Variants in ADAMTSL3 observed in about 807,000 individuals in gnomAD.
ADAMTSL3 encodes the protein ADAMTS-like protein 3.
ADAMTSL3 carries 128 observed loss-of-function variants against 201.7 expected under a neutral mutation model. The observed-to-expected ratio is 0.63, with a 90% CI of 0.55 to 0.73. The LOEUF is 0.73. ADAMTSL3 is among the 30% of genes least tolerant of loss of function. ADAMTSL3 has a pLI of 0.00. For synonymous variants in ADAMTSL3, 738 were observed against 748.4 expected (o/e 0.99, Z 0.23); for missense variants, 1,990 against 2,119.6 (o/e 0.94, Z 1.20).
At chr15:83,660,180 T>A (rs2061143415) in intron 2 of ADAMTSL3, among the ~76,000 whole-genome samples, 1 of 152,126 alleles carries the variant, frequency 6.6e-6, no homozygotes, top group Non-Finnish European at 1.5e-5. Context: ...AGTCACATAA[T>A]TGACATGAGG....
intron 2 of ADAMTSL3, among the ~76,000 whole-genome samples, chr15:83,699,246 G>A (rs2061732576): frequency 6.6e-6 from 1 of 151,984 alleles, no homozygotes; most frequent in African/African-American, 2.4e-5. Flanking sequence ...GATGTTTTAT[G>A]GACACCTCCA....
At position 83,985,304 on chromosome 15, in the gene ADAMTSL3, A is replaced by G. The variant is rs182523784; in HGVS notation, c.3716+1960A>G. 4.6e-5 allele frequency among the ~76,000 whole-genome samples: 7 copies of G among 152,272 alleles called. No homozygotes were observed. The East Asian group carries it at 1.3e-3, about 29-fold the overall frequency. ...GTGGATACCAGTTTTCCAAAATTCTAATTTTCACATCAAACCTTTTTCATC... is the reference window on the plus strand; with the variant it reads ...GTGGATACCAGTTTTCCAAAATTCTGATTTTCACATCAAACCTTTTTCATC... On this transcript the variant is annotated intron_variant, in intron 21 of 29. Coordinates refer to ENST00000286744, the MANE Select transcript of ADAMTSL3 (RefSeq NM_207517.3).
chr15:83,989,480 T>C (rs1321836626), intron 22 of ADAMTSL3, among the ~76,000 whole-genome samples: 1 of 152,228 alleles, frequency 6.6e-6, no homozygotes, highest in Non-Finnish European at 1.5e-5. Context: ...TTGCATTTTT[T>C]AAAGTTCCAT....
chr15:83,663,105 A>G (rs1423303305), intron 2 of ADAMTSL3, among the ~76,000 whole-genome samples: 1 of 152,120 alleles, frequency 6.6e-6, no homozygotes, highest in African/African-American at 2.4e-5. Flanking sequence ...CCTGACCCAT[A>G]GGAAATGCAT....
At chr15:83,758,540 C>CT (rs1314521938) in intron 3 of ADAMTSL3, among the ~76,000 whole-genome samples, 1 of 152,188 alleles carries the variant, frequency 6.6e-6, no homozygotes, top group Non-Finnish European at 1.5e-5. Flanking sequence ...TAACAGTTAA[C>CT]TTTTTTCCTG....
At chr15:83,806,328 G>A (rs2063602260) in intron 5 of ADAMTSL3, among the ~76,000 whole-genome samples, 1 of 152,134 alleles carries the variant, frequency 6.6e-6, no homozygotes, top group South Asian at 2.1e-4. Flanking sequence ...CACCACTACT[G>A]CCCTAAACTC....
rs2065713863 is a variant in ADAMTSL3 at position 83,901,024 on chromosome 15, G to T, written c.1700+1293G>T. Among the ~76,000 whole-genome samples the T allele has an allele frequency of 2.6e-5, 4 of 152,092 alleles. 1 individual carries two copies. The South Asian group carries it at 8.3e-4, about 32-fold the overall frequency. ...GGTCCAGCCCAGTGGTGAGCCCCAG[G>T]GCAGTGTGGGTTACTTTGCTTTGAG... On this transcript the variant is annotated intron_variant, in intron 15 of 29. Transcript: ENST00000286744.
intron 6 of ADAMTSL3, among the ~76,000 whole-genome samples, chr15:83,822,461 T>G (rs1165948482): frequency 3.2e-5 from 3 of 94,302 alleles, no homozygotes; most frequent in South Asian, 4.1e-4. Flanking sequence ...AGGCGGAGGG[T>G]CTCCTCACTT....
At chr15:83,670,258 C>CAAAAAAAAAAAAAAA (rs60947988) in intron 2 of ADAMTSL3, among the ~76,000 whole-genome samples, 33 of 64,510 alleles carry the variant, frequency 5.1e-4, no homozygotes, top group East Asian at 1.6e-3. Flanking sequence ...ACTCTGTCTC[C>CAAAAAAAAAAAAAAA]AAAAAAAAAA....
intron 4 of ADAMTSL3, among the ~76,000 whole-genome samples, chr15:83,797,679 A>G (rs2063450622): frequency 6.6e-6 from 1 of 152,208 alleles, no homozygotes; most frequent in South Asian, 2.1e-4. Flanking sequence ...AAAATGTCAA[A>G]TATTGACCTA....
chr15:83,678,835 A>AAT (rs1029993977), intron 2 of ADAMTSL3, among the ~76,000 whole-genome samples: 67 of 145,152 alleles, frequency 4.6e-4, no homozygotes, highest in Middle Eastern at 3.6e-3. Context: ...AATATATATA[A>AAT]ATATATATAT....
intron 8 of ADAMTSL3, among the ~76,000 whole-genome samples, chr15:83,864,634 A>G (rs559791795): frequency 6.6e-6 from 1 of 152,360 alleles, no homozygotes; most frequent in South Asian, 2.1e-4. Context: ...AGAGCTATCT[A>G]TGACAAACCC....
chr15:83,980,680 C>T (rs1396416627), intron 20 of ADAMTSL3, among the ~76,000 whole-genome samples: 1 of 152,146 alleles, frequency 6.6e-6, no homozygotes, highest in African/African-American at 2.4e-5. Context: ...GCCTGACCTA[C>T]CAATTGCATC....
intron 4 of ADAMTSL3, among the ~76,000 whole-genome samples, chr15:83,795,598 T>G (rs1447935093): frequency 6.6e-6 from 1 of 152,176 alleles, no homozygotes; most frequent in East Asian, 1.9e-4. Context: ...CATAGGGAAT[T>G]TAAGTATCTT....
chr15:83,927,356 C>A (rs1049981002), intron 17 of ADAMTSL3, among the ~76,000 whole-genome samples: 1 of 152,064 alleles, frequency 6.6e-6, no homozygotes, highest in African/African-American at 2.4e-5. Flanking sequence ...TCGAGTGATC[C>A]GCCCACCTCA....
At position 83,761,145 on chromosome 15, in the gene ADAMTSL3, G is replaced by A. The variant is rs116568045; in HGVS notation, c.190-12378G>A. Among the ~76,000 whole-genome samples, 565 of 151,590 alleles carry A rather than the reference G, an allele frequency of 3.7e-3. 3 individuals are homozygous for A. The highest frequency in any genetic ancestry group is 0.012 in the African/African-American group (512 of 41,346). On this transcript the variant is annotated intron_variant, in intron 3 of 29. Transcript: ENST00000286744. ...ACACTCTTTTCTGTTTTTTTTAGTGGTAACTCTAGAGCTTAAAACATCTAT... is the reference window on the plus strand; with the variant it reads ...ACACTCTTTTCTGTTTTTTTTAGTGATAACTCTAGAGCTTAAAACATCTAT...
chr15:83,946,246 C>T (rs1298623788), intron 19 of ADAMTSL3, among the ~76,000 whole-genome samples: 4 of 152,208 alleles, frequency 2.6e-5, no homozygotes, highest in Non-Finnish European at 4.4e-5. Context: ...TCACCACTTT[C>T]CTCCGTGTCC....
chr15:83,924,947 T>C (rs1049945328), intron 17 of ADAMTSL3, among the ~76,000 whole-genome samples: 8 of 152,228 alleles, frequency 5.3e-5, no homozygotes, highest in African/African-American at 1.9e-4. Context: ...CTGCTATGTT[T>C]AGGACTCTCA....
At chr15:83,887,774 A>G (rs2065425053) in intron 10 of ADAMTSL3, among the ~76,000 whole-genome samples, 1 of 152,068 alleles carries the variant, frequency 6.6e-6, no homozygotes, top group Non-Finnish European at 1.5e-5. Context: ...AGTATTTTGT[A>G]GAGATGGCAT....
Sources: allele counts gnomAD v4.1 joint callset (sites outside exome capture counted in the v4.1 genomes callset), GRCh38; gene constraint gnomAD v4.1.1; transcripts MANE v1.5; gene names NCBI Gene and HGNC (gene_info 2026-07-23, HGNC 2026-07-21).